ZMYND8: variants seen among roughly 807,000 people sequenced by gnomAD.
ZMYND8 encodes the protein zinc finger MYND-type containing 8, also known as MYND-type zinc finger-containing chromatin reader ZMYND8.
In ZMYND8, 37 loss-of-function variants were observed where a neutral mutation model predicts 140.8. The ratio of observed to expected loss-of-function variants is 0.26; its 90% CI spans 0.20 to 0.35. ZMYND8 has a LOEUF of 0.35. ZMYND8 is among the 10% of genes least tolerant of loss of function. The probability of loss-of-function intolerance (pLI) is 1.00; values close to 1 mark genes in which losing one functional copy is unlikely to be tolerated. For synonymous variants in ZMYND8, 592 were observed against 597.1 expected (o/e 0.99, Z 0.12); for missense variants, 1,068 against 1,570.0 (o/e 0.68, Z 5.40).
At chr20:47,223,383 G>A (rs546687189) in intron 19 of ZMYND8, among the ~76,000 whole-genome samples, 11 of 151,976 alleles carry the variant, frequency 7.2e-5, no homozygotes, top group Non-Finnish European at 1.6e-4. Context: ...ATGTGTGCCT[G>A]TAATACCAGC....
rs187522520 is a variant in ZMYND8, at chr20:47,226,997, G to C, written c.3016+206C>G. On this transcript the variant is annotated intron_variant, in intron 18 of 22. Transcript: ENST00000471951. ...ATTTTATTGTTGAGGCTGGTGTTCT[G>C]AACAGAGGAAAGGGGGGCTCCCGCC... Among the ~76,000 whole-genome samples, 388 of 152,246 alleles carry C rather than the reference G, an allele frequency of 2.5e-3. 4 individuals are homozygous for C. The highest frequency in any genetic ancestry group is 8.7e-3 in the African/African-American group (362 of 41,548).
chr20:47,276,866 T>G, intron 10 of ZMYND8, 71 bp from the exon 11 acceptor site: 1 of 1,432,592 alleles, frequency 7.0e-7, no homozygotes, highest in Non-Finnish European at 9.2e-7. Flanking sequence ...TTTCTTGATG[T>G]GAACCAAATT....
rs867715525 is a variant in ZMYND8, at chr20:47,276,446, G to A, written c.1348C>T (p.Pro450Ser). ...GAGTTTGTGCTCATGGGGGAGCGCGGCATATCCGACAAGGAAATCCGGCGG... is the reference window on the plus strand; with the variant it reads ...GAGTTTGTGCTCATGGGGGAGCGCGACATATCCGACAAGGAAATCCGGCGG... ...TGRRISLSDM[P>S]RSPMSTNSSV... Residue 450 changes from proline (P) to serine (S), a missense_variant, in exon 11 of 23, where the codon CCG becomes TCG. Pro to Ser is a moderately conservative substitution (Grantham distance 74, BLOSUM62 -1). This residue lies in a region of ZMYND8 where 173 missense variants were observed against 223.3 expected (regional missense o/e 0.77). Coordinates refer to ENST00000471951, the MANE Select transcript of ZMYND8 (RefSeq NM_001281775.3). The A allele has an allele frequency of 6.2e-7, 1 of 1,613,950 alleles. No individual in the cohort carries two copies. Among genetic ancestry groups the A allele is most frequent in the African/African-American group, 1.3e-5 (1 of 74,888 alleles).
At chr20:47,256,830 T>C (rs1157660136) in intron 12 of ZMYND8, among the ~76,000 whole-genome samples, 1 of 152,086 alleles carries the variant, frequency 6.6e-6, no homozygotes, top group African/African-American at 2.4e-5. Flanking sequence ...AGTGGAGAAA[T>C]AAACAGAAAG....
chr20:47,299,091 C>T, intron 3 of ZMYND8, 144 bp from the exon 4 acceptor site: 2 of 733,796 alleles, frequency 2.7e-6, no homozygotes. Flanking sequence ...TTAGGTTACT[C>T]TACTAAATAT....
chr20:47,216,640 T>C (rs1168344371), intron 21 of ZMYND8, among the ~76,000 whole-genome samples: 1 of 151,004 alleles, frequency 6.6e-6, no homozygotes, highest in Non-Finnish European at 1.5e-5. Context: ...AAACCCCATC[T>C]CTACTAAAAA....
At chr20:47,312,789 C>CAA (rs1210409565) in intron 2 of ZMYND8, among the ~76,000 whole-genome samples, 16 of 68,652 alleles carry the variant, frequency 2.3e-4, no homozygotes, top group African/African-American at 4.2e-4. Context: ...GACTCCGTCT[C>CAA]AAAAAAAAAA....
chr20:47,227,949 C>T (rs2037925151), intron 17 of ZMYND8, among the ~76,000 whole-genome samples: 1 of 152,050 alleles, frequency 6.6e-6, no homozygotes, highest in South Asian at 2.1e-4. Flanking sequence ...AAAAATTAAC[C>T]GGGCATGGCG....
At chr20:47,311,126 T>C (rs1282689651) in intron 2 of ZMYND8, among the ~76,000 whole-genome samples, 2 of 152,246 alleles carry the variant, frequency 1.3e-5, no homozygotes, top group East Asian at 3.8e-4. Context: ...TAATAGGCTA[T>C]GAACTGTAAT....
intron 2 of ZMYND8, among the ~76,000 whole-genome samples, chr20:47,346,638 GCT>G (rs1304038302): frequency 6.6e-6 from 1 of 151,420 alleles, no homozygotes. Context: ...ATGGAGTCTT[GCT>G]CTGTCGCCCA....
intron 19 of ZMYND8, 93 bp downstream of exon 19, chr20:47,224,224 T>G (rs926662343): frequency 6.4e-7 from 1 of 1,558,730 alleles, no homozygotes; most frequent in Non-Finnish European, 8.7e-7. Context: ...CAAGCTCCCT[T>G]GACAATTAGC....
rs186675755 is a variant in ZMYND8 at position 47,283,701 on chromosome 20, G to A, written c.805-53C>T. On this transcript the variant is annotated intron_variant, in intron 8 of 22. Transcript: ENST00000471951. ...GTCACCCCAGGGGTGGATATCTTGT[G>A]GACCTCAATCAATGCTTGATGATTT... 222 of 1,547,112 alleles carry A rather than the reference G, an allele frequency of 1.4e-4. 1 individual carries two copies. Among genetic ancestry groups the A allele is most frequent in the Non-Finnish European group, 2.3e-5 (26 of 1,123,332 alleles).
At chr20:47,308,857 T>C (rs2078699818) in intron 3 of ZMYND8, among the ~76,000 whole-genome samples, 1 of 152,164 alleles carries the variant, frequency 6.6e-6, no homozygotes, top group Non-Finnish European at 1.5e-5. Context: ...TCTCCTTCCA[T>C]GAAAGCAACA....
intron 15 of ZMYND8, chr20:47,238,521 GAAT>G: frequency 1.5e-6 from 1 of 678,326 alleles, no homozygotes; most frequent in Non-Finnish European, 2.5e-6. Flanking sequence ...TTTTTAAGGA[GAAT>G]ATATGCATGT....
chr20:47,353,151 G>A lies in ZMYND8; in HGVS notation c.14+3506C>T, dbSNP rs2082935714. The stretch of plus-strand genomic sequence containing the variant: ...GCTGGACTTTTAAAAACCTACCTTT[G>A]CCTCCAGGGTTTTCTAGGTTACTGT... On this transcript the variant is annotated intron_variant, in intron 1 of 22. Coordinates refer to ENST00000471951, the MANE Select transcript of ZMYND8 (RefSeq NM_001281775.3). 2.6e-5 allele frequency: 4 copies of A among 152,068 alleles called. No homozygotes were observed. The South Asian group carries it at 6.2e-4, about 24-fold the overall frequency. 9.4% of individuals were successfully genotyped at this position (152,068 alleles called of 1,614,324 possible). A position where few individuals can be genotyped will look rare whatever the true frequency, so the allele number is the denominator to read the frequency against.
intron 11 of ZMYND8, among the ~76,000 whole-genome samples, chr20:47,269,501 A>G (rs2075779039): frequency 6.6e-6 from 1 of 152,218 alleles, no homozygotes; most frequent in Admixed American, 6.5e-5. Flanking sequence ...AAAGCCATAC[A>G]TTTTGCCCAA....
intron 2 of ZMYND8, among the ~76,000 whole-genome samples, chr20:47,322,381 T>G (rs1418969043): frequency 1.3e-5 from 2 of 151,966 alleles, no homozygotes; most frequent in Non-Finnish European, 2.9e-5. Flanking sequence ...TCACAGCTAT[T>G]GTTTACTGAG....
chr20:47,339,875 G>C (rs1039310012), intron 2 of ZMYND8, among the ~76,000 whole-genome samples: 2 of 152,128 alleles, frequency 1.3e-5, no homozygotes, highest in Non-Finnish European at 2.9e-5. Flanking sequence ...AGGAAACCTA[G>C]CCACAAGGAA....
chr20:47,350,645 C>A (rs2082710930), intron 1 of ZMYND8, among the ~76,000 whole-genome samples: 1 of 152,076 alleles, frequency 6.6e-6, no homozygotes, highest in African/African-American at 2.4e-5. Flanking sequence ...TCAAATAATT[C>A]TTAAAAAGAA....
Sources: allele counts gnomAD v4.1 joint callset (sites outside exome capture counted in the v4.1 genomes callset), GRCh38; gene constraint gnomAD v4.1.1; regional missense constraint gnomAD v4.1.1; transcripts MANE v1.5; gene names NCBI Gene and HGNC (gene_info 2026-07-23, HGNC 2026-07-21).